The following XKR9 variants were observed in gnomAD, a reference collection of about 807,000 sequenced individuals.
XKR9 encodes the protein XK related 9.
In XKR9, 32 loss-of-function variants were observed where a neutral mutation model predicts 32.0. The observed-to-expected ratio is 1.00, with a 90% CI of 0.76 to 1.34. The LOEUF (loss-of-function observed/expected upper bound fraction) is 1.34, where lower values mean the gene tolerates loss of function less well. Ranked by LOEUF, XKR9 falls within the 40% of genes most tolerant of loss-of-function variation. XKR9 has a pLI of 0.00. For missense variants in XKR9, 546 were observed against 429.7 expected (o/e 1.27, Z -2.39); for synonymous variants, 168 against 143.4 (o/e 1.17, Z -1.22).
the XKR9 span, among the ~76,000 whole-genome samples, chr8:70,865,004 T>C: frequency 1.3e-5 from 2 of 152,176 alleles, no homozygotes; most frequent in Non-Finnish European, 1.5e-5. Context: ...ATAATTCTAA[T>C]TAGAAAGTGA....
the XKR9 span, among the ~76,000 whole-genome samples, chr8:70,964,644 A>G: frequency 6.6e-6 from 1 of 152,078 alleles, no homozygotes; most frequent in African/African-American, 2.4e-5. Flanking sequence ...AGTGGTTTGT[A>G]GTTCTCCTTG....
rs1022782753 is a variant in XKR9 at position 70,750,918 on chromosome 8, A to G, written n.353-38421A>G. On this transcript the variant is annotated intron_variant and non_coding_transcript_variant, in intron 2 of 3. Transcript: ENST00000520273. ...TGTTTTTGGATGAGATTAATATTTA[A>G]ACGAATGGACTTGGAGCAAAACATA... is the stretch of plus-strand genomic sequence containing the variant. 3.3e-5 allele frequency among the ~76,000 whole-genome samples: 5 copies of G among 152,300 alleles called. No homozygotes were observed. The South Asian group carries it at 8.3e-4, about 25-fold the overall frequency.
the XKR9 span, among the ~76,000 whole-genome samples, chr8:70,858,378 A>T: frequency 6.6e-6 from 1 of 152,188 alleles, no homozygotes; most frequent in Non-Finnish European, 1.5e-5. Flanking sequence ...TGCTTCAAAG[A>T]GAATAAAATA....
the XKR9 span, among the ~76,000 whole-genome samples, chr8:70,816,802 G>A: frequency 2.0e-5 from 3 of 152,124 alleles, no homozygotes; most frequent in African/African-American, 7.2e-5. Flanking sequence ...TTCCTGGGAT[G>A]CAAGGTTGGT....
At chr8:70,760,493 T>C (rs1361345652) in intron 2 of XKR9, among the ~76,000 whole-genome samples, 3 of 152,202 alleles carry the variant, frequency 2.0e-5, no homozygotes, top group Non-Finnish European at 2.9e-5. Context: ...GGGTAAAATA[T>C]ATGCAACATA....
Position 70,734,338 on chromosome 8 carries a change from A to C in XKR9, c.1036A>C (p.Asn346His). 6.2e-7 allele frequency: 1 copy of C among 1,612,304 alleles called. No individual in the cohort carries two copies. Among genetic ancestry groups the C allele is most frequent in the Non-Finnish European group, 8.5e-7 (1 of 1,179,582 alleles). ...TGTTTATTATGGGAGTTTTCACCCAAACAGAAGTGCAGAAACAAAATGTGA... is the reference window on the plus strand; with the variant it reads ...TGTTTATTATGGGAGTTTTCACCCACACAGAAGTGCAGAAACAAAATGTGA... ...LIVYYGSFHP[N>H]RSAETKCDEI... The change falls in exon 5 of 5, where the codon AAC (asparagine) becomes CAC (histidine). Residue 346 changes from asparagine (N) to histidine (H), a missense_variant. Asn to His is a moderately conservative substitution (Grantham distance 68). Coordinates refer to ENST00000408926, the MANE Select transcript of XKR9 (RefSeq NM_001011720.2).
chr8:70,856,618 C>G, the XKR9 span, among the ~76,000 whole-genome samples: 1 of 152,086 alleles, frequency 6.6e-6, no homozygotes, highest in Non-Finnish European at 1.5e-5. Flanking sequence ...CTGCACCAAG[C>G]GGACCTAATA....
the XKR9 span, among the ~76,000 whole-genome samples, chr8:71,027,779 CGGGG>C: frequency 0.54 from 63,355 of 117,676 alleles, 15,466 homozygotes; most frequent in Non-Finnish European, 0.61. Context: ...TTTTTTTTGG[CGGGG>C]GGGGGGGGTC....
chr8:70,793,200 A>G (rs1297228382), downstream of XKR9, among the ~76,000 whole-genome samples: 1 of 152,050 alleles, frequency 6.6e-6, no homozygotes, highest in African/African-American at 2.4e-5. Context: ...CTCTCATAGA[A>G]TGCTTCTGGA....
intron 2 of XKR9, among the ~76,000 whole-genome samples, chr8:70,750,742 C>T (rs368148013): frequency 6.6e-6 from 1 of 152,132 alleles, no homozygotes; most frequent in African/African-American, 2.4e-5. Context: ...TTAACTATCA[C>T]CACAATTAAC....
chr8:71,053,040 A>T, the XKR9 span, among the ~76,000 whole-genome samples: 1 of 152,264 alleles, frequency 6.6e-6, no homozygotes, highest in East Asian at 1.9e-4. Flanking sequence ...GTTTAACTTT[A>T]ATCACAAAGG....
the XKR9 span, among the ~76,000 whole-genome samples, chr8:71,015,888 T>G: frequency 6.6e-6 from 1 of 152,164 alleles, no homozygotes; most frequent in African/African-American, 2.4e-5. Flanking sequence ...TCAAAAATAC[T>G]TTACAATGAA....
At chr8:70,914,227 G>C in the XKR9 span, among the ~76,000 whole-genome samples, 1 of 152,116 alleles carries the variant, frequency 6.6e-6, no homozygotes. Flanking sequence ...ACTGTGCCTA[G>C]CCAAACATTT....
chr8:70,750,737 T>G (rs1184689670), intron 2 of XKR9, among the ~76,000 whole-genome samples: 1 of 152,212 alleles, frequency 6.6e-6, no homozygotes, highest in African/African-American at 2.4e-5. Context: ...AATCTTTAAC[T>G]ATCACCACAA....
At chr8:70,975,326 T>C in the XKR9 span, among the ~76,000 whole-genome samples, 1 of 152,364 alleles carries the variant, frequency 6.6e-6, no homozygotes, top group African/African-American at 2.4e-5. Context: ...CATGCCTATG[T>C]CCTGAATGGT....
At chr8:70,669,860 G>A (rs1399919793) in intron 1 of XKR9, among the ~76,000 whole-genome samples, 2 of 151,970 alleles carry the variant, frequency 1.3e-5, no homozygotes, top group South Asian at 2.1e-4. Context: ...TAGAGACCGG[G>A]TTTCATTGTG....
chr8:70,721,753 T>A (rs1425630919), intron 4 of XKR9, among the ~76,000 whole-genome samples: 1 of 152,198 alleles, frequency 6.6e-6, no homozygotes, highest in Non-Finnish European at 1.5e-5. Context: ...AAGTGCTGTG[T>A]GGTGCTGAGA....
intron 2 of XKR9, among the ~76,000 whole-genome samples, chr8:70,679,653 A>C (rs565062429): frequency 6.6e-6 from 1 of 152,344 alleles, no homozygotes; most frequent in African/African-American, 2.4e-5. Context: ...TTTTGTTAGC[A>C]GTCAAACATT....
chr8:71,023,880 G>C, the XKR9 span, among the ~76,000 whole-genome samples: 2 of 152,218 alleles, frequency 1.3e-5, no homozygotes. Context: ...GCCAGTGCTG[G>C]TGGACAGGGC....
Sources: allele counts gnomAD v4.1 joint callset (sites outside exome capture counted in the v4.1 genomes callset), GRCh38; gene constraint gnomAD v4.1.1; transcripts MANE v1.5; gene names NCBI Gene and HGNC (gene_info 2026-07-23, HGNC 2026-07-21).